The following DPF3 variants were observed in gnomAD, a reference collection of about 807,000 sequenced individuals.
DPF3 encodes zinc finger protein DPF3.
In DPF3, 18 loss-of-function variants were observed where a neutral mutation model predicts 56.8. The observed-to-expected ratio is 0.32, with a 90% CI of 0.22 to 0.47. DPF3 has a LOEUF of 0.47. DPF3 is among the 20% of genes least tolerant of loss of function. The pLI is 1.00. For synonymous variants in DPF3, 188 were observed against 180.2 expected, an observed-to-expected ratio of 1.04 and a Z score of -0.35; for missense variants, 403 against 488.8, an observed-to-expected ratio of 0.82 and a Z score of 1.65.
intron 7 of DPF3, among the ~76,000 whole-genome samples, chr14:72,692,689 G>A (rs1315391648): frequency 2.0e-5 from 3 of 152,204 alleles, no homozygotes; most frequent in African/African-American, 2.4e-5. Context: ...CAGGCATTTC[G>A]AATGTGTGTC....
chr14:72,676,028 C>A (rs554069974), intron 7 of DPF3, among the ~76,000 whole-genome samples: 1 of 152,326 alleles, frequency 6.6e-6, no homozygotes, highest in South Asian at 2.1e-4. Flanking sequence ...CCCTCAATTG[C>A]CATCTTAGTC....
chr14:72,885,680 G>A (rs1017550099), intron 1 of DPF3, among the ~76,000 whole-genome samples: 1 of 152,024 alleles, frequency 6.6e-6, no homozygotes, highest in African/African-American at 2.4e-5. Flanking sequence ...TAAGATTACA[G>A]GCATGAGCCT....
chr14:72,874,165 AAG>A (rs1246036283), intron 1 of DPF3, among the ~76,000 whole-genome samples: 1 of 143,636 alleles, frequency 7.0e-6, no homozygotes, highest in African/African-American at 2.5e-5. Flanking sequence ...AGAAATCAAT[AAG>A]AAAAAAAAAA....
At chr14:72,784,109 T>C (rs762617110) in intron 1 of DPF3, among the ~76,000 whole-genome samples, 25 of 152,144 alleles carry the variant, frequency 1.6e-4, no homozygotes, top group Admixed American at 4.6e-4. Context: ...CTAAGGGACA[T>C]CCAGCCAAAC....
intron 3 of DPF3, among the ~76,000 whole-genome samples, chr14:72,743,648 G>T (rs2139881656): frequency 6.6e-6 from 1 of 151,538 alleles, no homozygotes; most frequent in African/African-American, 2.4e-5. Flanking sequence ...TGAAGTTAAA[G>T]GCCTCTTTTT....
intron 1 of DPF3, among the ~76,000 whole-genome samples, chr14:72,800,609 C>A (rs537271147): frequency 8.0e-4 from 118 of 148,380 alleles, no homozygotes; most frequent in South Asian, 4.3e-3. Flanking sequence ...TGAATGAATG[C>A]ATGCATGCAC....
At chr14:72,725,364 GA>G (rs1250652777) in intron 4 of DPF3, among the ~76,000 whole-genome samples, 5 of 152,132 alleles carry the variant, frequency 3.3e-5, no homozygotes, top group Admixed American at 6.5e-5. Context: ...AGGCCTACAT[GA>G]GAACATGAGC....
At chr14:72,861,187 T>C (rs1885392855) in intron 1 of DPF3, among the ~76,000 whole-genome samples, 1 of 152,164 alleles carries the variant, frequency 6.6e-6, no homozygotes, top group South Asian at 2.1e-4. Flanking sequence ...GCTCACTCTG[T>C]GTATGTATGT....
At chr14:72,749,410 G>A (rs1175145583) in intron 3 of DPF3, among the ~76,000 whole-genome samples, 1 of 152,242 alleles carries the variant, frequency 6.6e-6, no homozygotes, top group Non-Finnish European at 1.5e-5. Flanking sequence ...GATTTTACAG[G>A]TTCATAAGCA....
chr14:72,632,670 G>A (rs1288706999), intron 8 of DPF3, among the ~76,000 whole-genome samples: 15 of 140,078 alleles, frequency 1.1e-4, no homozygotes, highest in Admixed American at 1.0e-3. Context: ...AAGGAAAGAA[G>A]GAAGGAAGGA....
At chr14:72,682,435 A>G (rs1462488371) in intron 7 of DPF3, among the ~76,000 whole-genome samples, 1 of 152,226 alleles carries the variant, frequency 6.6e-6, no homozygotes, top group Admixed American at 6.5e-5. Flanking sequence ...CAGGCTCTGA[A>G]CAAAGTGATG....
In DPF3 at chr14:72,613,023, TG is replaced by T. The variant is rs1316947506; in HGVS notation, c.*6273del. Among the ~76,000 whole-genome samples the T allele has an allele frequency of 6.6e-6, 1 of 151,950 alleles. No individual in the cohort carries two copies. Among genetic ancestry groups the T allele is most frequent in the Non-Finnish European group, 1.5e-5 (1 of 67,944 alleles). On this transcript the variant is annotated 3_prime_UTR_variant, in exon 11 of 11. Coordinates refer to ENST00000556509, the MANE Select transcript of DPF3 (RefSeq NM_001280542.3). ...GTGTGTGTGTGTGTGTGTGTGTGTG[TG>T]TGTGTGTATGTGCGTGCGTGCACGC...
chr14:72,677,023 A>T (rs1438741127), intron 7 of DPF3, among the ~76,000 whole-genome samples: 1 of 152,182 alleles, frequency 6.6e-6, no homozygotes, highest in Non-Finnish European at 1.5e-5. Context: ...AAGGAAAAGA[A>T]TTGAATTCAT....
At chr14:72,769,223 T>C (rs900718126) in intron 2 of DPF3, among the ~76,000 whole-genome samples, 2 of 152,154 alleles carry the variant, frequency 1.3e-5, no homozygotes, top group East Asian at 3.9e-4. Flanking sequence ...TGAACAGCAC[T>C]GCGGTCTCTA....
intron 1 of DPF3, among the ~76,000 whole-genome samples, chr14:72,789,706 T>G (rs149962759): frequency 6.6e-6 from 1 of 151,986 alleles, no homozygotes; most frequent in African/African-American, 2.4e-5. Flanking sequence ...TTTTTTTTTC[T>G]TTTTTTAAGA....
intron 4 of DPF3, among the ~76,000 whole-genome samples, chr14:72,728,751 C>T (rs931126937): frequency 2.4e-4 from 37 of 152,128 alleles, no homozygotes; most frequent in African/African-American, 5.3e-4. Context: ...AAACTGGCAA[C>T]GGATCCTGCC....
chr14:72,787,809 TGG>T (rs1259885568), intron 1 of DPF3, among the ~76,000 whole-genome samples: 1 of 151,830 alleles, frequency 6.6e-6, no homozygotes, highest in Non-Finnish European at 1.5e-5. Context: ...GGTCAAGAGG[TGG>T]GGTGCAGGTC....
At chr14:72,800,505 CATGG>C (rs1454284803) in intron 1 of DPF3, among the ~76,000 whole-genome samples, 1 of 143,540 alleles carries the variant, frequency 7.0e-6, no homozygotes, top group East Asian at 2.1e-4. Flanking sequence ...TGGATGGATG[CATGG>C]ATGGATGGAT....
intron 1 of DPF3, among the ~76,000 whole-genome samples, chr14:72,873,185 C>T (rs2140113931): frequency 6.6e-6 from 1 of 152,040 alleles, no homozygotes. Flanking sequence ...TGACAAAGGG[C>T]TAATATCCAG....
Sources: gnomAD v4.1 joint callset for allele counts (sites outside exome capture counted in the v4.1 genomes callset) on GRCh38, gnomAD v4.1.1 for gene constraint, MANE v1.5 for transcripts, NCBI Gene and HGNC (gene_info 2026-07-23, HGNC 2026-07-21) for gene names.